The following PTPRD variants were observed in gnomAD, a reference collection of about 807,000 sequenced individuals.
The protein encoded by PTPRD is protein tyrosine phosphatase receptor type D.
In PTPRD, 34 loss-of-function variants were observed where a neutral mutation model predicts 214.5. The observed-to-expected ratio is 0.16, with a 90% confidence interval of 0.12 to 0.21. PTPRD has a LOEUF of 0.21. PTPRD is among the 10% of genes least tolerant of loss of function. The pLI, the probability that PTPRD is intolerant of heterozygous loss-of-function variation, is 1.00. For synonymous variants in PTPRD, 1,128 were observed against 845.7 expected (o/e 1.33, Z -5.79); for missense variants, 2,545 against 2,398.7 (o/e 1.06, Z -1.27).
chr9:8,466,221 T>G (rs1310000560), intron 31 of PTPRD, among the ~76,000 whole-genome samples: 4 of 151,944 alleles, frequency 2.6e-5, no homozygotes, highest in African/African-American at 9.7e-5. Flanking sequence ...ACATATTAAA[T>G]AGACATTGTT....
At chr9:8,602,268 T>A (rs1045717866) in intron 14 of PTPRD, among the ~76,000 whole-genome samples, 4 of 152,216 alleles carry the variant, frequency 2.6e-5, no homozygotes, top group African/African-American at 9.6e-5. Context: ...TACAATTACA[T>A]CTATCTGTAA....
At chr9:9,955,907 A>T (rs1270189335) in intron 4 of PTPRD, among the ~76,000 whole-genome samples, 2 of 152,220 alleles carry the variant, frequency 1.3e-5, no homozygotes, top group Non-Finnish European at 2.9e-5. Flanking sequence ...TTCCTGAAAC[A>T]GTATCAGAAG....
chr9:9,145,472 G>T (rs746496136), intron 10 of PTPRD, among the ~76,000 whole-genome samples: 1 of 151,712 alleles, frequency 6.6e-6, no homozygotes, highest in Non-Finnish European at 1.5e-5. Flanking sequence ...TTTTTTATTA[G>T]TCAAGAATAC....
chr9:9,277,677 G>T (rs551602229), intron 9 of PTPRD, among the ~76,000 whole-genome samples: 2 of 151,240 alleles, frequency 1.3e-5, no homozygotes, highest in Non-Finnish European at 3.0e-5. Flanking sequence ...TTTCCCATCT[G>T]GAAAAGCCCC....
intron 9 of PTPRD, among the ~76,000 whole-genome samples, chr9:9,308,528 A>C (rs1428799850): frequency 6.6e-6 from 1 of 152,176 alleles, no homozygotes; most frequent in African/African-American, 2.4e-5. Context: ...ACTGAGATTC[A>C]CTTTTTGTGA....
At chr9:8,381,904 CTG>C (rs996840324) in intron 37 of PTPRD, among the ~76,000 whole-genome samples, 5 of 152,186 alleles carry the variant, frequency 3.3e-5, no homozygotes, top group African/African-American at 1.2e-4. Flanking sequence ...CAGAGCAGAA[CTG>C]TGTGAGGTGC....
Position 8,879,904 on chromosome 9 carries a change from T to A in PTPRD, c.-104+138793A>T, listed in dbSNP as rs1291391036. 3.9e-5 allele frequency among the ~76,000 whole-genome samples: 6 copies of A among 151,954 alleles called. No individual in the cohort carries two copies. In the South Asian group the frequency reaches 1.2e-3, roughly 31 times the overall value. On this transcript the variant is annotated intron_variant, in intron 11 of 45. Transcript: ENST00000381196. ...ACTAAAATGTGTAAGGAGAGAAGAG[T>A]GATCCTTCCAGTTCACAGAAAAGGA...
intron 19 of PTPRD, 67 bp downstream of exon 19, chr9:8,523,446 T>A: frequency 1.3e-6 from 2 of 1,545,858 alleles, no homozygotes; most frequent in Non-Finnish European, 1.8e-6. Context: ...TCATTTCATT[T>A]GTATTCTTTG....
At chr9:10,018,115 A>C (rs917696469) in intron 4 of PTPRD, among the ~76,000 whole-genome samples, 8 of 152,184 alleles carry the variant, frequency 5.3e-5, no homozygotes, top group African/African-American at 1.7e-4. Context: ...ATCCCCTCTC[A>C]TACACAAATA....
At chr9:8,933,597 T>G (rs2098969461) in intron 11 of PTPRD, among the ~76,000 whole-genome samples, 1 of 152,036 alleles carries the variant, frequency 6.6e-6, no homozygotes, top group East Asian at 1.9e-4. Flanking sequence ...CTTGATATAT[T>G]TATTCTAACC....
chr9:9,324,273 C>A (rs1968503505), intron 9 of PTPRD, among the ~76,000 whole-genome samples: 1 of 152,204 alleles, frequency 6.6e-6, no homozygotes, highest in African/African-American at 2.4e-5. Context: ...ACACTGTCTT[C>A]CGCAGTGGTT....
chr9:10,573,181 A>G (rs974139986), intron 2 of PTPRD, among the ~76,000 whole-genome samples: 4 of 152,212 alleles, frequency 2.6e-5, no homozygotes, highest in Non-Finnish European at 5.9e-5. Flanking sequence ...TCCTGAATTT[A>G]GAAATATGTG....
chr9:10,027,849 A>G (rs1355395761), intron 4 of PTPRD, among the ~76,000 whole-genome samples: 1 of 152,136 alleles, frequency 6.6e-6, no homozygotes, highest in East Asian at 1.9e-4. Flanking sequence ...TTTGATATGA[A>G]TTGCCTTTTT....
intron 10 of PTPRD, among the ~76,000 whole-genome samples, chr9:9,042,693 C>A (rs1273514413): frequency 6.8e-6 from 1 of 146,876 alleles, no homozygotes; most frequent in South Asian, 2.2e-4. Context: ...TATCTTATGA[C>A]CTCTGGTGGC....
At chr9:8,330,671 G>T (rs1839469727) in intron 44 of PTPRD, among the ~76,000 whole-genome samples, 1 of 151,026 alleles carries the variant, frequency 6.6e-6, no homozygotes, top group East Asian at 2.0e-4. Flanking sequence ...GATAACTGAA[G>T]TCCAGAGAAA....
At chr9:9,293,561 T>A (rs1023786111) in intron 9 of PTPRD, among the ~76,000 whole-genome samples, 2 of 151,584 alleles carry the variant, frequency 1.3e-5, no homozygotes, top group African/African-American at 4.8e-5. Flanking sequence ...GAAAGTTGAA[T>A]GTGTTCATTG....
intron 44 of PTPRD, among the ~76,000 whole-genome samples, chr9:8,322,612 G>A (rs1299110026): frequency 2.6e-5 from 4 of 152,202 alleles, no homozygotes; most frequent in African/African-American, 9.6e-5. Context: ...GGCTTATGAG[G>A]TTTAAGGAAG....
chr9:10,330,959 T>C (rs1217082349), intron 3 of PTPRD, among the ~76,000 whole-genome samples: 1 of 151,812 alleles, frequency 6.6e-6, no homozygotes, highest in South Asian at 2.1e-4. Flanking sequence ...GAATTCCAGT[T>C]TATCTTTATG....
chr9:8,595,124 A>G (rs1003002768), intron 14 of PTPRD, among the ~76,000 whole-genome samples: 12 of 150,892 alleles, frequency 8.0e-5, no homozygotes, highest in African/African-American at 2.9e-4. Context: ...CGGCCTCCCA[A>G]AGTGCTGGGA....
Sources: allele counts gnomAD v4.1 joint callset (sites outside exome capture counted in the v4.1 genomes callset), GRCh38; gene constraint gnomAD v4.1.1; transcripts MANE v1.5; gene names NCBI Gene and HGNC (gene_info 2026-07-23, HGNC 2026-07-21).